SCFD2: variants seen among roughly 807,000 people sequenced by gnomAD.
SCFD2 encodes sec1 family domain containing 2.
SCFD2 carries 54 observed loss-of-function variants against 58.9 expected under a neutral mutation model. The ratio of observed to expected loss-of-function variants is 0.92; its 90% CI spans 0.74 to 1.15. The LOEUF is 1.15. Ranked by LOEUF, SCFD2 falls within the 50% of genes most tolerant of loss-of-function variation. SCFD2 has a pLI of 0.00. For synonymous variants in SCFD2, 321 were observed against 335.9 expected, an observed-to-expected ratio of 0.96 and a Z score of 0.49; for missense variants, 805 against 836.6, an observed-to-expected ratio of 0.96 and a Z score of 0.47.
At chr4:52,941,311 G>A (rs937589174) in intron 5 of SCFD2, among the ~76,000 whole-genome samples, 23 of 152,178 alleles carry the variant, frequency 1.5e-4, no homozygotes, top group Non-Finnish European at 2.9e-5. Context: ...AAATAGATAT[G>A]TAAGTAAATG....
intron 3 of SCFD2, among the ~76,000 whole-genome samples, chr4:53,277,320 T>G (rs1187742580): frequency 6.6e-6 from 1 of 152,200 alleles, no homozygotes; most frequent in Non-Finnish European, 1.5e-5. Context: ...AAGAACAAAT[T>G]TTCACACAAA....
chr4:53,302,633 G>A (rs981920674), intron 3 of SCFD2, among the ~76,000 whole-genome samples: 1 of 152,116 alleles, frequency 6.6e-6, no homozygotes, highest in Non-Finnish European at 1.5e-5. Flanking sequence ...AAAAGAGCCT[G>A]CATTGCCAAG....
intron 5 of SCFD2, among the ~76,000 whole-genome samples, chr4:53,017,818 C>A (rs1722250459): frequency 6.6e-6 from 1 of 152,144 alleles, no homozygotes; most frequent in African/African-American, 2.4e-5. Flanking sequence ...CTTGAAGAAA[C>A]CCAGCAAGCC....
chr4:52,946,712 T>C (rs1720438257), intron 5 of SCFD2, among the ~76,000 whole-genome samples: 1 of 152,138 alleles, frequency 6.6e-6, no homozygotes, highest in African/African-American at 2.4e-5. Context: ...AGAAATAGGC[T>C]CTCATCTTTT....
At chr4:53,218,005 G>T (rs2148991480) in intron 4 of SCFD2, among the ~76,000 whole-genome samples, 1 of 152,322 alleles carries the variant, frequency 6.6e-6, no homozygotes, top group Non-Finnish European at 1.5e-5. Flanking sequence ...TTTCTGCCAA[G>T]AGATCTGCTG....
At chr4:52,934,951 C>A (rs1720098593) in intron 5 of SCFD2, among the ~76,000 whole-genome samples, 1 of 152,198 alleles carries the variant, frequency 6.6e-6, no homozygotes, top group African/African-American at 2.4e-5. Flanking sequence ...ATAGTCTATA[C>A]CTGTGTGGTC....
rs532309925 is a variant in SCFD2, at chr4:53,109,932, T to A, written c.1561+35401A>T. 3.2e-3 allele frequency among the ~76,000 whole-genome samples: 480 copies of A among 148,414 alleles called. 1 individual carries two copies. Among genetic ancestry groups the A allele is most frequent in the African/African-American group, 0.011 (443 of 38,800 alleles). On this transcript the variant is annotated intron_variant, in intron 5 of 8. Coordinates refer to ENST00000401642, the MANE Select transcript of SCFD2 (RefSeq NM_152540.4). ...CAAGACAATCCTAAGCCAAAAAAAA[T>A]AAATAAATAAATCTGGAGGTATCAC...
rs1349156361 is a variant in SCFD2, at chr4:53,063,990, CCCTT to C, written c.1561+81339_1561+81342del. Among the ~76,000 whole-genome samples the C allele has an allele frequency of 2.6e-5, 4 of 152,044 alleles. No homozygotes were observed. In the East Asian group the frequency reaches 7.8e-4, roughly 29 times the overall value. ...CTCCACCTTCCCTCCCTCTCTCCTT[CCCTT>C]CCTTCTTTCTTTCCTTCCTTTTTAT... On this transcript the variant is annotated intron_variant, in intron 5 of 8. Coordinates refer to ENST00000401642, the MANE Select transcript of SCFD2 (RefSeq NM_152540.4).
In SCFD2 at chr4:52,918,228, T is replaced by G. The variant is rs150736935; in HGVS notation, c.1707+2497A>C. On this transcript the variant is annotated intron_variant, in intron 6 of 8. Transcript: ENST00000401642. ...ATTGTTTAGCCAAGGACTATTTTTC[T>G]AAACCAGACACGCAGCTGGACTCTG... 6.6e-5 allele frequency among the ~76,000 whole-genome samples: 10 copies of G among 152,388 alleles called. No individual in the cohort carries two copies. In the East Asian group the frequency reaches 1.9e-3, roughly 29 times the overall value.
At chr4:53,034,370 C>A (rs1325530578) in intron 5 of SCFD2, among the ~76,000 whole-genome samples, 1 of 152,154 alleles carries the variant, frequency 6.6e-6, no homozygotes, top group Non-Finnish European at 1.5e-5. Context: ...CAATATCATA[C>A]TGAATGGGCA....
chr4:53,006,561 T>A (rs1721974787), intron 5 of SCFD2, among the ~76,000 whole-genome samples: 1 of 152,210 alleles, frequency 6.6e-6, no homozygotes, highest in Admixed American at 6.5e-5. Context: ...GTTACCTAAG[T>A]TATTAATAGC....
intron 5 of SCFD2, among the ~76,000 whole-genome samples, chr4:53,058,646 A>T (rs565340527): frequency 5.3e-4 from 81 of 152,298 alleles, no homozygotes; most frequent in Admixed American, 9.2e-4. Context: ...ATTTATTGTT[A>T]AAAAGGAAAG....
chr4:53,348,638 A>G (rs1370889813), intron 2 of SCFD2, among the ~76,000 whole-genome samples: 2 of 151,444 alleles, frequency 1.3e-5, no homozygotes, highest in Non-Finnish European at 2.9e-5. Context: ...TGGTTTCACT[A>G]TTTCACCAAA....
At chr4:53,189,127 C>T (rs1022017657) in intron 4 of SCFD2, among the ~76,000 whole-genome samples, 3 of 152,310 alleles carry the variant, frequency 2.0e-5, no homozygotes, top group South Asian at 2.1e-4. Flanking sequence ...GAAAGAAGCA[C>T]GTTCCTTTTG....
chr4:53,186,224 T>C (rs1442991092), intron 4 of SCFD2, among the ~76,000 whole-genome samples: 3 of 152,112 alleles, frequency 2.0e-5, no homozygotes, highest in Non-Finnish European at 4.4e-5. Context: ...TAAATTTCAC[T>C]TCCTCACAAA....
chr4:53,212,550 A>G (rs1274695781), intron 4 of SCFD2, among the ~76,000 whole-genome samples: 2 of 147,114 alleles, frequency 1.4e-5, no homozygotes, highest in Admixed American at 6.9e-5. Context: ...AGGAGATGGT[A>G]AGAGAGAGAG....
chr4:53,023,095 C>A (rs1177589201), intron 5 of SCFD2, among the ~76,000 whole-genome samples: 1 of 152,134 alleles, frequency 6.6e-6, no homozygotes, highest in African/African-American at 2.4e-5. Context: ...GACCTTTGTG[C>A]ATAGAGAGTT....
At chr4:52,921,047 G>A (rs751110078) in intron 5 of SCFD2, among the ~76,000 whole-genome samples, 177 bp from the exon 6 acceptor site, 5 of 150,550 alleles carry the variant, frequency 3.3e-5, no homozygotes, top group African/African-American at 7.4e-5. Flanking sequence ...TGTTTCAATC[G>A]TCCATGAGCA....
Position 53,038,858 on chromosome 4 carries a change from A to AT in SCFD2, c.1561+106474dup, listed in dbSNP as rs532463121. Among the ~76,000 whole-genome samples, 4 of 151,712 alleles carry AT rather than the reference A, an allele frequency of 2.6e-5. No homozygotes were observed. In the South Asian group the frequency reaches 8.4e-4, roughly 32 times the overall value. ...CATGTACCACAATGCCCAGCTAATT[A>AT]TTTTTTTTCTTTCAGAGATGGTGGA... On this transcript the variant is annotated intron_variant, in intron 5 of 8. Coordinates refer to ENST00000401642, the MANE Select transcript of SCFD2 (RefSeq NM_152540.4).
Sources: allele counts gnomAD v4.1 joint callset (sites outside exome capture counted in the v4.1 genomes callset), GRCh38; gene constraint gnomAD v4.1.1; transcripts MANE v1.5; gene names NCBI Gene and HGNC (gene_info 2026-07-23, HGNC 2026-07-21).